The following PDZD2 variants were observed in gnomAD, a reference collection of about 807,000 sequenced individuals.
The protein encoded by PDZD2 is PDZ domain containing 2.
PDZD2 carries 90 observed loss-of-function variants against 220.7 expected under a neutral mutation model. The observed-to-expected ratio is 0.41, with a 90% CI of 0.34 to 0.49. PDZD2 has a LOEUF of 0.49. PDZD2 is among the 20% of genes least tolerant of loss of function. The pLI, the probability that PDZD2 is intolerant of heterozygous loss-of-function variation, is 0.28. For synonymous variants in PDZD2, 1,375 were observed against 1,450.5 expected (o/e 0.95, Z 1.18); for missense variants, 3,174 against 3,608.5 (o/e 0.88, Z 3.08).
chr5:31,785,049 G>A (rs1211061729), intron 1 of PDZD2, among the ~76,000 whole-genome samples: 2 of 152,176 alleles, frequency 1.3e-5, no homozygotes, highest in African/African-American at 4.8e-5. Context: ...AGCCCTTCCT[G>A]TACTCACCTG....
At chr5:31,977,709 G>T (rs576146190) in intron 2 of PDZD2, among the ~76,000 whole-genome samples, 1 of 152,320 alleles carries the variant, frequency 6.6e-6, no homozygotes, top group East Asian at 1.9e-4. Context: ...GCAGTGCCTC[G>T]CTCCTGTAAT....
Position 32,089,674 on chromosome 5 carries a change from G to A in PDZD2, c.6226G>A (p.Gly2076Ser), listed in dbSNP as rs769142068. The part of the protein sequence containing the change: ...AQPRPTGEKG[G>S]NIMASDRLER... ...ACCCAGGCCGACTGGCGAAAAAGGAGGCAACATAATGGCCAGCGATCGCCT... is the reference window on the plus strand; with the variant it reads ...ACCCAGGCCGACTGGCGAAAAAGGAAGCAACATAATGGCCAGCGATCGCCT... Residue 2076 changes from glycine to serine, a missense_variant, in exon 20 of 25, where the codon GGC becomes AGC. By Grantham distance (56) the Gly-to-Ser change is moderately conservative. Transcript: ENST00000438447. 3.1e-6 allele frequency: 5 copies of A among 1,614,216 alleles called. No individual in the cohort carries two copies. Among genetic ancestry groups the A allele is most frequent in the Admixed American group, 3.3e-5 (2 of 60,034 alleles).
At position 32,000,470 on chromosome 5, in the gene PDZD2, C is replaced by T. The variant is rs576753618; in HGVS notation, c.1254+199C>T. ...GAAGTGCAGTTAGTTACTTGGCTTTCCTTAAGAAGTTTGTTTTTGTTTTTG... is the reference window on the plus strand; with the variant it reads ...GAAGTGCAGTTAGTTACTTGGCTTTTCTTAAGAAGTTTGTTTTTGTTTTTG... On this transcript the variant is annotated intron_variant, in intron 5 of 24. Coordinates refer to ENST00000438447, the MANE Select transcript of PDZD2 (RefSeq NM_178140.4). This position sits in a 1 kb window ranked among gnomAD's most constrained non-coding sequence, Gnocchi z 4.5. 6.6e-6 allele frequency among the ~76,000 whole-genome samples: 1 copy of T among 151,506 alleles called. No homozygotes were observed. Among genetic ancestry groups the T allele is most frequent in the East Asian group, 1.9e-4 (1 of 5,162 alleles).
At chr5:31,806,182 T>G (rs1754703601) in intron 2 of PDZD2, among the ~76,000 whole-genome samples, 1 of 152,180 alleles carries the variant, frequency 6.6e-6, no homozygotes, top group African/African-American at 2.4e-5. Context: ...CTGTGGATGT[T>G]TTTTGATGAG....
rs1744585353 is a variant in PDZD2 at position 32,104,729 on chromosome 5, A to C, written c.8354-3240A>C. Among the ~76,000 whole-genome samples, 3 of 141,674 alleles carry C rather than the reference A, an allele frequency of 2.1e-5. No individual in the cohort carries two copies. In the South Asian group the frequency reaches 6.5e-4, roughly 31 times the overall value. 92.9% of individuals were successfully genotyped at this position (141,674 alleles called of 152,430 possible). Reference sequence around the variant, plus strand: ...GAAGGCTCCATCTAAAAAAAAAAAAAAAAAAAAAAAAAAAAAACATATAAA... The same window carrying C: ...GAAGGCTCCATCTAAAAAAAAAAAACAAAAAAAAAAAAAAAAACATATAAA... On this transcript the variant is annotated intron_variant, in intron 24 of 24. Transcript: ENST00000438447.
intron 1 of PDZD2, among the ~76,000 whole-genome samples, chr5:31,699,260 CA>C (rs1204479699): frequency 3.9e-5 from 6 of 152,038 alleles, no homozygotes; most frequent in African/African-American, 9.7e-5. Context: ...AGAAAAATCT[CA>C]AGAAGGTGGT....
chr5:31,947,220 C>G (rs1746720142), intron 2 of PDZD2, among the ~76,000 whole-genome samples: 1 of 152,222 alleles, frequency 6.6e-6, no homozygotes, highest in Non-Finnish European at 1.5e-5. Flanking sequence ...TATGTGTACT[C>G]TCTGGTTGTT....
intron 2 of PDZD2, among the ~76,000 whole-genome samples, chr5:31,946,518 G>A (rs1314308401): frequency 2.0e-5 from 3 of 152,054 alleles, no homozygotes; most frequent in Non-Finnish European, 2.9e-5. Flanking sequence ...TGTGCTCCCC[G>A]CCGCCATGTC....
At chr5:32,031,174 G>C (rs890441329) in intron 6 of PDZD2, among the ~76,000 whole-genome samples, 2 of 152,098 alleles carry the variant, frequency 1.3e-5, no homozygotes, top group African/African-American at 4.8e-5. Flanking sequence ...GAATAACGTA[G>C]CATCTCCCTA....
At chr5:31,762,702 C>T (rs1035914860) in intron 1 of PDZD2, among the ~76,000 whole-genome samples, 13 of 152,116 alleles carry the variant, frequency 8.5e-5, no homozygotes, top group African/African-American at 2.2e-4. Flanking sequence ...TGTGTCATGG[C>T]GGCTGTTGAG....
At chr5:32,045,805 T>C (rs1737891422) in intron 7 of PDZD2, among the ~76,000 whole-genome samples, 1 of 152,078 alleles carries the variant, frequency 6.6e-6, no homozygotes, top group East Asian at 1.9e-4. Flanking sequence ...ACAAAATAAA[T>C]ATTTAACTTT....
In PDZD2 at chr5:31,639,881, G is replaced by A. The variant is rs1744879373; in HGVS notation, c.-361+444G>A. 1.3e-5 allele frequency among the ~76,000 whole-genome samples: 2 copies of A among 152,300 alleles called. No homozygotes were observed. The highest frequency in any genetic ancestry group is 4.1e-4 in the South Asian group (2 of 4,826). On this transcript the variant is annotated intron_variant, in intron 1 of 24. Coordinates refer to ENST00000438447, the MANE Select transcript of PDZD2 (RefSeq NM_178140.4). The surrounding 1 kb of genome is among the most constrained non-coding windows in gnomAD (Gnocchi z 4.1). ...TTGGGGACCATCCTCCCTCGGGCTT[G>A]TTTCATCTCTCAACCCCCGCCTCTT...
intron 2 of PDZD2, chr5:31,840,419 TATATATATATATATATATATATATATA>T (rs1561499052): frequency 0.015 from 1,855 of 120,844 alleles, 153 homozygotes; most frequent in Non-Finnish European, 0.022. Context: ...TATATATATA[TATATATATATATATATATATATATATA>T]TATTTGTTTA....
intron 6 of PDZD2, among the ~76,000 whole-genome samples, chr5:32,021,437 C>T (rs1485835982): frequency 2.0e-5 from 3 of 152,060 alleles, no homozygotes; most frequent in Non-Finnish European, 4.4e-5. Context: ...GCTGGGATTA[C>T]AGGCACCTGC....
At position 31,687,990 on chromosome 5, in the gene PDZD2, A is replaced by G. The variant is rs550852569; in HGVS notation, c.-361+48553A>G. Reference sequence around the variant, plus strand: ...TAGCAATATTTAACCTTGGAACACAATTTCCTATTGGAAATCCTCAGGGCC... The same window carrying G: ...TAGCAATATTTAACCTTGGAACACAGTTTCCTATTGGAAATCCTCAGGGCC... On this transcript the variant is annotated intron_variant, in intron 1 of 24. Transcript: ENST00000438447. 4.6e-5 allele frequency among the ~76,000 whole-genome samples: 7 copies of G among 152,222 alleles called. No homozygotes were observed. The South Asian group carries it at 1.2e-3, about 27-fold the overall frequency.
chr5:31,701,778 A>G (rs1747619354), intron 1 of PDZD2, among the ~76,000 whole-genome samples: 1 of 152,172 alleles, frequency 6.6e-6, no homozygotes, highest in African/African-American at 2.4e-5. Context: ...TGTTTCCCTA[A>G]TAACGAGAAG....
chr5:31,883,275 C>A (rs1416420939), intron 2 of PDZD2, among the ~76,000 whole-genome samples: 1 of 127,368 alleles, frequency 7.9e-6, no homozygotes, highest in East Asian at 2.4e-4. Context: ...GGCTGGAGTG[C>A]AGTGGCACAA....
rs755302715 is a variant in PDZD2 at position 32,100,852 on chromosome 5, A to G, written c.8219-253A>G. 5.2e-6 allele frequency: 8 copies of G among 1,533,990 alleles called. No individual in the cohort carries two copies. In the African/African-American group the frequency reaches 9.5e-5, roughly 18 times the overall value. ...TGCTTGGGCATAAAAGCATTTGCCA[A>G]TGCTTGCAGAAAACACAGAACAAAG... On this transcript the variant is annotated intron_variant, in intron 23 of 24. Transcript: ENST00000438447.
chr5:31,990,329 A>T (rs1158811831), intron 3 of PDZD2, among the ~76,000 whole-genome samples: 1 of 152,220 alleles, frequency 6.6e-6, no homozygotes, highest in Admixed American at 6.5e-5. Context: ...GTGTGAACTC[A>T]CGCAGTAATT....
Sources: gnomAD v4.1 joint callset for allele counts (sites outside exome capture counted in the v4.1 genomes callset) on GRCh38, gnomAD v4.1.1 for gene constraint, Gnocchi (gnomAD v3.1) non-coding constraint, MANE v1.5 for transcripts, NCBI Gene and HGNC (gene_info 2026-07-23, HGNC 2026-07-21) for gene names.